The following SLC11A2 variants were observed in gnomAD, a reference collection of about 807,000 sequenced individuals.
SLC11A2 encodes the protein natural resistance-associated macrophage protein 2.
In SLC11A2, 38 loss-of-function variants were observed where a neutral mutation model predicts 68.0. That is an observed-to-expected ratio of 0.56 (90% CI 0.43 to 0.73). The LOEUF is 0.73. Ranked by LOEUF, SLC11A2 falls within the 30% of genes least tolerant of loss-of-function variation. The pLI, the probability that SLC11A2 is intolerant of heterozygous loss-of-function variation, is 0.00. For synonymous variants in SLC11A2, 242 were observed against 250.6 expected, an observed-to-expected ratio of 0.97 and a Z score of 0.32; for missense variants, 517 against 690.5, an observed-to-expected ratio of 0.75 and a Z score of 2.82.
At chr12:51,008,302 G>GGTGTGT (rs532914132) in intron 3 of SLC11A2, 174 bp downstream of exon 3, 23 of 522,250 alleles carry the variant, frequency 4.4e-5, no homozygotes, top group Admixed American at 2.1e-4. Context: ...ATATAGATGG[G>GGTGTGT]GTGTGTGTGT....
the SLC11A2 span, among the ~76,000 whole-genome samples, chr12:50,962,743 G>C: frequency 6.6e-6 from 1 of 152,030 alleles, no homozygotes; most frequent in Non-Finnish European, 1.5e-5. Context: ...CAAACACAAG[G>C]GAGTGGTATT....
intron 3 of SLC11A2, 53 bp downstream of exon 3, chr12:51,008,419 TTCAC>T: frequency 6.7e-7 from 1 of 1,492,032 alleles, no homozygotes; most frequent in East Asian, 2.3e-5. Context: ...CAGCAGATCT[TTCAC>T]TCACAGGTTT....
Position 50,986,427 on chromosome 12 carries a change from T to G in SLC11A2, c.*1898A>C, listed in dbSNP as rs1385727145. On this transcript the variant is annotated 3_prime_UTR_variant, in exon 16 of 16. Coordinates refer to ENST00000262052, the MANE Select transcript of SLC11A2 (RefSeq NM_000617.3). ...AATGCCATTTAATTGGAAGGAGTTT[T>G]CTATCATTGCAAGTCATAAATATAA... The G allele has an allele frequency of 1.6e-6, 2 of 1,284,032 alleles. No homozygotes were observed. The highest frequency in any genetic ancestry group is 2.0e-6 in the Non-Finnish European group (2 of 986,162). 79.5% of individuals were successfully genotyped at this position (1,284,032 alleles called of 1,614,324 possible). A position where few individuals can be genotyped will look rare whatever the true frequency, so the allele number is the denominator to read the frequency against.
chr12:50,995,900 G>C, intron 9 of SLC11A2, 113 bp from the exon 10 acceptor site: 1 of 910,508 alleles, frequency 1.1e-6, no homozygotes, highest in Non-Finnish European at 1.8e-6. Flanking sequence ...TTGACCAGAC[G>C]AAAAGTGAGA....
At chr12:51,015,436 C>G (rs1207508590) in intron 1 of SLC11A2, among the ~76,000 whole-genome samples, 1 of 151,198 alleles carries the variant, frequency 6.6e-6, no homozygotes, top group African/African-American at 2.4e-5. Context: ...GATTGCGCCA[C>G]TGCACTCCAG....
intron 7 of SLC11A2, 35 bp from the exon 8 acceptor site, chr12:50,999,276 G>A (rs758982573): frequency 1.1e-5 from 18 of 1,611,946 alleles, no homozygotes; most frequent in Non-Finnish European, 1.5e-5. Flanking sequence ...GCTCAGAGAA[G>A]GTAGACTTCC....
chr12:50,988,001 G>C lies in SLC11A2; in HGVS notation c.*324C>G. On this transcript the variant is annotated 3_prime_UTR_variant, in exon 16 of 16. Transcript: ENST00000262052. ...CCAATTTTTTTTTAACATATAGCCT[G>C]GTTAAGAATCATGCATATCCTTGTC... is the stretch of plus-strand genomic sequence containing the variant. The C allele has an allele frequency of 7.5e-7, 1 of 1,329,000 alleles. No individual in the cohort carries two copies. Among genetic ancestry groups the C allele is most frequent in the Non-Finnish European group, 9.8e-7 (1 of 1,016,740 alleles). 82.3% of individuals were successfully genotyped at this position (1,329,000 alleles called of 1,614,324 possible). A position where few individuals can be genotyped will look rare whatever the true frequency, so the allele number is the denominator to read the frequency against.
intron 2 of SLC11A2, 96 bp downstream of exon 2, chr12:51,010,599 C>T (rs1943138778): frequency 5.5e-6 from 4 of 733,322 alleles, no homozygotes; most frequent in Admixed American, 3.9e-5. Context: ...TAGATGATGA[C>T]AGATGATGAC....
chr12:51,015,414 G>A (rs897358887), intron 1 of SLC11A2, among the ~76,000 whole-genome samples: 57 of 151,464 alleles, frequency 3.8e-4, no homozygotes, highest in African/African-American at 1.3e-3. Context: ...GGTGGAGGTT[G>A]CAGTGAGCTG....
the SLC11A2 span, among the ~76,000 whole-genome samples, chr12:50,959,173 G>A: frequency 4.8e-4 from 73 of 152,032 alleles, no homozygotes; most frequent in South Asian, 5.6e-3. Context: ...AGGCAAGAGT[G>A]CAATGGTGCA....
downstream of SLC11A2, chr12:50,979,940 A>C (rs1454523500): frequency 8.8e-6 from 4 of 453,964 alleles, no homozygotes; most frequent in Non-Finnish European, 1.8e-5. Flanking sequence ...AGAAATGAGG[A>C]GTGAGCTGGA....
chr12:51,026,390 A>C, upstream of SLC11A2: 2 of 1,271,088 alleles, frequency 1.6e-6, no homozygotes, highest in South Asian at 1.2e-5. Context: ...ACGCTGGCTA[A>C]CGCCCTCCCC....
At chr12:50,994,257 G>C (rs143582379) in intron 11 of SLC11A2, among the ~76,000 whole-genome samples, 25,489 of 151,900 alleles carry the variant, frequency 0.17, 2,551 homozygotes, top group East Asian at 0.5. Flanking sequence ...ATGTTGGTCA[G>C]GCTGGTCTTG....
At chr12:50,977,188 G>A (rs1939859654), downstream of SLC11A2, among the ~76,000 whole-genome samples, 1 of 152,160 alleles carries the variant, frequency 6.6e-6, no homozygotes, top group Admixed American at 6.5e-5. Flanking sequence ...GCATTGCCAA[G>A]TCAATCCTAA....
chr12:50,982,714 C>T (rs182795656), downstream of SLC11A2, among the ~76,000 whole-genome samples: 8 of 152,200 alleles, frequency 5.3e-5, no homozygotes, highest in Admixed American at 1.3e-4. Context: ...GAGGCCGAGG[C>T]GCATGGATCA....
At chr12:50,997,588 A>T (rs1301434853) in intron 8 of SLC11A2, among the ~76,000 whole-genome samples, 1 of 135,992 alleles carries the variant, frequency 7.4e-6, no homozygotes, top group Non-Finnish European at 1.5e-5. Context: ...GCTACTAGGG[A>T]GGCTGAGGTG....
the SLC11A2 span, chr12:50,961,076 G>T: frequency 6.2e-7 from 1 of 1,613,894 alleles, no homozygotes; most frequent in East Asian, 2.2e-5. Flanking sequence ...GCTGCCCAAG[G>T]ATTTGTTGTT....
At chr12:50,989,737 G>A (rs1472718520) in intron 15 of SLC11A2, among the ~76,000 whole-genome samples, 1 of 152,170 alleles carries the variant, frequency 6.6e-6, no homozygotes, top group Non-Finnish European at 1.5e-5. Flanking sequence ...AAAAAGAAGA[G>A]ATCTAGGAAA....
chr12:51,014,668 A>G (rs1414534645), intron 1 of SLC11A2, among the ~76,000 whole-genome samples: 1 of 152,164 alleles, frequency 6.6e-6, no homozygotes, highest in Non-Finnish European at 1.5e-5. Context: ...CCTGGCCAAC[A>G]TGGGTGAAAC....
Sources: allele counts gnomAD v4.1 joint callset (sites outside exome capture counted in the v4.1 genomes callset), GRCh38; gene constraint gnomAD v4.1.1; transcripts MANE v1.5; gene names NCBI Gene and HGNC (gene_info 2026-07-23, HGNC 2026-07-21).